ANXA10: variants seen among roughly 807,000 people sequenced by gnomAD.
The protein encoded by ANXA10 is annexin A10, also known as annexin 14.
In ANXA10, 49 loss-of-function variants were observed where a neutral mutation model predicts 53.5. The ratio of observed to expected loss-of-function variants is 0.92; its 90% CI spans 0.73 to 1.16. The LOEUF (loss-of-function observed/expected upper bound fraction) is 1.16, where lower values mean the gene tolerates loss of function less well. Among genes scored for constraint, ANXA10 ranks in the 50% most tolerant of loss-of-function variants. The probability of loss-of-function intolerance (pLI) is 0.00; values close to 1 mark genes in which losing one functional copy is unlikely to be tolerated. For synonymous variants in ANXA10, 131 were observed against 128.9 expected (o/e 1.02, Z -0.11); for missense variants, 393 against 394.4 (o/e 1.00, Z 0.03).
chr4:168,148,767 A>AT (rs924031784), intron 3 of ANXA10, among the ~76,000 whole-genome samples: 4 of 151,058 alleles, frequency 2.6e-5, no homozygotes, highest in East Asian at 1.9e-4. Context: ...TTTCGATGTG[A>AT]TTTTTTTTCA....
intron 11 of ANXA10, among the ~76,000 whole-genome samples, chr4:168,185,549 G>A (rs182709791): frequency 1.8e-4 from 28 of 152,284 alleles, no homozygotes; most frequent in African/African-American, 6.3e-4. Context: ...TTTTCATTCT[G>A]ATACTTTTAA....
intron 1 of ANXA10, among the ~76,000 whole-genome samples, chr4:168,095,490 TTATG>T (rs1276996744): frequency 6.6e-6 from 1 of 152,072 alleles, no homozygotes; most frequent in Non-Finnish European, 1.5e-5. Context: ...TAAAATAGCA[TTATG>T]TATTATACAA....
At chr4:168,184,475 A>G in intron 10 of ANXA10, 84 bp from the exon 11 acceptor site, 1 of 1,489,686 alleles carries the variant, frequency 6.7e-7, no homozygotes, top group South Asian at 1.2e-5. Context: ...GAAAATGACT[A>G]CAGAAAAGGG....
intron 9 of ANXA10, among the ~76,000 whole-genome samples, chr4:168,181,179 C>A (rs1025811653): frequency 1.3e-5 from 2 of 151,904 alleles, no homozygotes; most frequent in Admixed American, 6.6e-5. Flanking sequence ...ATCATGAGGT[C>A]AGGAGATCGA....
At chr4:168,155,286 C>T (rs1731588243) in intron 3 of ANXA10, among the ~76,000 whole-genome samples, 1 of 134,796 alleles carries the variant, frequency 7.4e-6, no homozygotes, top group Non-Finnish European at 1.5e-5. Context: ...CCTTATATTG[C>T]CTCTCTTGTT....
intron 2 of ANXA10, 145 bp from the exon 3 acceptor site, chr4:168,139,341 A>T (rs1731289063): frequency 3.5e-6 from 2 of 570,944 alleles, no homozygotes; most frequent in African/African-American, 3.7e-5. Context: ...TCATTACATG[A>T]TTTCCAATTT....
Position 168,139,440 on chromosome 4 carries a change from T to C in ANXA10, c.101-46T>C, listed in dbSNP as rs764721232. 5 of 1,535,018 alleles carry C rather than the reference T, an allele frequency of 3.3e-6. No individual in the cohort carries two copies. In the South Asian group the frequency reaches 4.6e-5, roughly 14 times the overall value. ...CGTTAGATAAAGGATTCTTCCCAAC[T>C]ACAAAGTAGCAACTTTACTAATCTT... On this transcript the variant is annotated intron_variant, in intron 2 of 11. Transcript: ENST00000359299.
intron 3 of ANXA10, among the ~76,000 whole-genome samples, chr4:168,155,733 G>T (rs369191921): frequency 0.42 from 6,776 of 16,154 alleles, 1,549 homozygotes; most frequent in African/African-American, 0.54. Context: ...TATAATATAT[G>T]ATATATCATA....
At chr4:168,131,288 CTTTCTGTTACTGA>C (rs1030207893) in intron 2 of ANXA10, among the ~76,000 whole-genome samples, 2 of 151,922 alleles carry the variant, frequency 1.3e-5, no homozygotes, top group Admixed American at 1.3e-4. Context: ...TTCCAGCCAT[CTTTCTGTTACTGA>C]TTTCTAGTTT....
rs1578921897 is a variant in ANXA10 at position 168,155,768 on chromosome 4, T to C, written c.196-6760T>C. Among the ~76,000 whole-genome samples the C allele has an allele frequency of 1.3e-4, 3 of 22,714 alleles. No individual in the cohort carries two copies. In the South Asian group the frequency reaches 4.1e-3, roughly 31 times the overall value. 14.9% of individuals were successfully genotyped at this position (22,714 alleles called of 152,430 possible). A position where few individuals can be genotyped will look rare whatever the true frequency, so the allele number is the denominator to read the frequency against. ...ATATTATATATTATATAATATATGA[T>C]ATATCATATATTATATATTATATAT... On this transcript the variant is annotated intron_variant, in intron 3 of 11. Coordinates refer to ENST00000359299, the MANE Select transcript of ANXA10 (RefSeq NM_007193.5).
intron 10 of ANXA10, among the ~76,000 whole-genome samples, chr4:168,183,658 G>A (rs1173045883): frequency 2.6e-5 from 4 of 152,174 alleles, no homozygotes; most frequent in African/African-American, 9.7e-5. Flanking sequence ...TTCAAGTAAT[G>A]TAATTTTTGA....
At chr4:168,182,783 G>T (rs1694794908) in intron 10 of ANXA10, among the ~76,000 whole-genome samples, 1 of 150,256 alleles carries the variant, frequency 6.7e-6, no homozygotes, top group African/African-American at 2.4e-5. Context: ...GGCCGAGGCG[G>T]GTGGATCACG....
intron 2 of ANXA10, among the ~76,000 whole-genome samples, chr4:168,134,192 A>C (rs1179791368): frequency 6.6e-6 from 1 of 152,138 alleles, no homozygotes; most frequent in African/African-American, 2.4e-5. Context: ...CTTTAGCAAA[A>C]TAAACCTTCT....
chr4:168,157,789 T>TA (rs746084887), intron 3 of ANXA10, among the ~76,000 whole-genome samples: 3 of 152,212 alleles, frequency 2.0e-5, no homozygotes. Context: ...CTTGTGAAGC[T>TA]ATGTGTATTC....
chr4:168,156,220 A>ATAT (rs375286460), intron 3 of ANXA10, among the ~76,000 whole-genome samples: 33,824 of 50,256 alleles, frequency 0.67, 10,618 homozygotes, highest in African/African-American at 0.74. Flanking sequence ...ATTATATGTA[A>ATAT]TATGTATTAT....
At chr4:168,150,842 T>C (rs1731485019) in intron 3 of ANXA10, among the ~76,000 whole-genome samples, 1 of 152,142 alleles carries the variant, frequency 6.6e-6, no homozygotes, top group South Asian at 2.1e-4. Context: ...GAAAGAATGC[T>C]GGCTGGTTGT....
chr4:168,166,022 C>G (rs963927378), intron 6 of ANXA10, among the ~76,000 whole-genome samples: 3 of 152,196 alleles, frequency 2.0e-5, no homozygotes, highest in African/African-American at 7.2e-5. Flanking sequence ...GCTTAGCGCA[C>G]ACTAACATTT....
At chr4:168,152,821 TATCTA>T (rs1304071120) in intron 3 of ANXA10, among the ~76,000 whole-genome samples, 1 of 148,698 alleles carries the variant, frequency 6.7e-6, no homozygotes, top group Non-Finnish European at 1.5e-5. Context: ...ATATAAATAA[TATCTA>T]TATTATATAT....
chr4:168,106,538 A>G (rs1343812554), intron 1 of ANXA10, among the ~76,000 whole-genome samples: 1 of 152,140 alleles, frequency 6.6e-6, no homozygotes, highest in Non-Finnish European at 1.5e-5. Flanking sequence ...ATTGAAATAC[A>G]TATCTCATTA....
Sources: allele counts gnomAD v4.1 joint callset (sites outside exome capture counted in the v4.1 genomes callset), GRCh38; gene constraint gnomAD v4.1.1; transcripts MANE v1.5; gene names NCBI Gene and HGNC (gene_info 2026-07-23, HGNC 2026-07-21).